Variants in TCERG1L observed in about 807,000 individuals in gnomAD.
TCERG1L encodes the protein transcription elongation regulator 1-like protein.
In TCERG1L, 37 loss-of-function variants were observed where a neutral mutation model predicts 56.3. The ratio of observed to expected loss-of-function variants is 0.66; its 90% CI spans 0.51 to 0.87. The LOEUF is 0.87. Among genes scored for constraint, TCERG1L ranks in the 40% least tolerant of loss-of-function variants. The pLI is 0.00. For synonymous variants in TCERG1L, 324 were observed against 326.3 expected, an observed-to-expected ratio of 0.99 and a Z score of 0.08; for missense variants, 799 against 774.2, an observed-to-expected ratio of 1.03 and a Z score of -0.38.
intron 4 of TCERG1L, among the ~76,000 whole-genome samples, chr10:131,198,812 T>A (rs2918139): frequency 1 from 152,330 of 152,330 alleles, 76,165 homozygotes; most frequent in Non-Finnish European, 1. Context: ...TCTCTGAGGC[T>A]TCTTTTGCAT....
intron 8 of TCERG1L, 112 bp downstream of exon 8, chr10:131,134,267 T>C (rs980569166): frequency 5.2e-6 from 5 of 961,986 alleles, no homozygotes; most frequent in East Asian, 2.6e-5. Flanking sequence ...TGTCTAGCGG[T>C]TGAATTAGCT....
chr10:131,278,749 C>T (rs1846421763), intron 3 of TCERG1L, among the ~76,000 whole-genome samples: 2 of 149,298 alleles, frequency 1.3e-5, no homozygotes, highest in African/African-American at 5.0e-5. Context: ...GGTGTCCTCG[C>T]CTGCCCAGGA....
At chr10:131,274,086 C>T (rs574466328) in intron 3 of TCERG1L, among the ~76,000 whole-genome samples, 6 of 152,282 alleles carry the variant, frequency 3.9e-5, no homozygotes, top group East Asian at 3.9e-4. Context: ...GTCTGCTCAG[C>T]GCCCAGGAGG....
chr10:131,292,024 T>G (rs1846633337), intron 3 of TCERG1L, among the ~76,000 whole-genome samples: 1 of 152,240 alleles, frequency 6.6e-6, no homozygotes, highest in African/African-American at 2.4e-5. Context: ...CTTTTAATTC[T>G]GAGTTGTTAA....
intron 9 of TCERG1L, among the ~76,000 whole-genome samples, chr10:131,114,631 C>G (rs1845438018): frequency 6.6e-6 from 1 of 152,116 alleles, no homozygotes; most frequent in Non-Finnish European, 1.5e-5. Context: ...TTAGTAAAAT[C>G]TCTCAACCAA....
intron 7 of TCERG1L, among the ~76,000 whole-genome samples, chr10:131,141,753 T>A (rs1845741097): frequency 6.6e-6 from 1 of 151,932 alleles, no homozygotes; most frequent in African/African-American, 2.4e-5. Flanking sequence ...CGGAAACTAC[T>A]CCGAAAAACG....
intron 4 of TCERG1L, among the ~76,000 whole-genome samples, chr10:131,200,857 T>TA (rs35946799): frequency 0.13 from 19,265 of 152,116 alleles, 1,446 homozygotes; most frequent in East Asian, 0.22. Context: ...GTGGGGCCTT[T>TA]AGGAGTCGCT....
intron 3 of TCERG1L, among the ~76,000 whole-genome samples, chr10:131,279,965 GAGCC>G (rs1167917473): frequency 3.3e-5 from 5 of 152,258 alleles, no homozygotes; most frequent in Non-Finnish European, 7.4e-5. Context: ...CGACCCAGCA[GAGCC>G]AGCCTACACC....
At chr10:131,108,093 G>A (rs116973713) in intron 9 of TCERG1L, among the ~76,000 whole-genome samples, 1,614 of 152,200 alleles carry the variant, frequency 0.011, 19 homozygotes, top group Non-Finnish European at 0.015. Context: ...TTTTAAGTCC[G>A]TCTATGTCGT....
chr10:131,254,102 G>A (rs556805176), intron 4 of TCERG1L, among the ~76,000 whole-genome samples: 90 of 152,028 alleles, frequency 5.9e-4, no homozygotes, highest in Non-Finnish European at 1.1e-3. Context: ...GGAGGAGAGC[G>A]TCCAGGCAGA....
chr10:131,296,645 G>T (rs1205649422), intron 3 of TCERG1L, among the ~76,000 whole-genome samples: 1 of 152,160 alleles, frequency 6.6e-6, no homozygotes, highest in African/African-American at 2.4e-5. Context: ...GCATGGGCTT[G>T]TCAATTTACA....
intron 11 of TCERG1L, chr10:131,095,230 G>C (rs1482834541): frequency 6.8e-6 from 1 of 146,714 alleles, no homozygotes; most frequent in African/African-American, 2.8e-5. Flanking sequence ...CAACCCCACC[G>C]GACGGCCAAC....
At chr10:131,309,347 A>C (rs532941906) in intron 1 of TCERG1L, 48 bp from the exon 2 acceptor site, 1 of 1,552,010 alleles carries the variant, frequency 6.4e-7, no homozygotes, top group African/African-American at 1.4e-5. Context: ...GAATCCATCC[A>C]CTCGACTTCA....
chr10:131,274,683 T>C (rs2918106), intron 3 of TCERG1L, among the ~76,000 whole-genome samples: 128,159 of 152,122 alleles, frequency 0.84, 54,905 homozygotes, highest in East Asian at 0.92. Context: ...CTCACAGACG[T>C]CAACTTTCCC....
chr10:131,260,226 G>T lies in TCERG1L; in HGVS notation c.856+33C>A. The T allele has an allele frequency of 7.4e-7, 1 of 1,343,982 alleles. No individual in the cohort carries two copies. Among genetic ancestry groups the T allele is most frequent in the Non-Finnish European group, 9.6e-7 (1 of 1,044,030 alleles). The allele number at this position is 1,343,982 out of a possible 1,614,324, so 83.3% of individuals were successfully genotyped here. On this transcript the variant is annotated intron_variant, in intron 4 of 11. Transcript: ENST00000368642. The surrounding 1 kb of genome is among the most constrained non-coding windows in gnomAD (Gnocchi z 5.8). Reference sequence around the variant, plus strand: ...AAGCCTCCGCGCGCTCGCTAAGGCAGCACCAGGCGTCGGGACGGCGCTCCG... The same window carrying T: ...AAGCCTCCGCGCGCTCGCTAAGGCATCACCAGGCGTCGGGACGGCGCTCCG...
chr10:131,140,893 G>A (rs1024225401), intron 7 of TCERG1L, among the ~76,000 whole-genome samples: 1 of 152,218 alleles, frequency 6.6e-6, no homozygotes, highest in African/African-American at 2.4e-5. Context: ...AGGCCTGGCT[G>A]TGCAGGGGCC....
intron 4 of TCERG1L, among the ~76,000 whole-genome samples, chr10:131,179,397 C>A (rs769371786): frequency 1.3e-5 from 2 of 152,212 alleles, no homozygotes; most frequent in Non-Finnish European, 2.9e-5. Context: ...CAAGAATGCC[C>A]TAAATAGAAG....
chr10:131,271,355 C>T (rs1347329588), intron 3 of TCERG1L, among the ~76,000 whole-genome samples: 1 of 152,224 alleles, frequency 6.6e-6, no homozygotes, highest in Non-Finnish European at 1.5e-5. Context: ...TTTTCTCTTC[C>T]TCTCTGGGCA....
chr10:131,158,947 C>T (rs1268793485), intron 6 of TCERG1L, among the ~76,000 whole-genome samples: 1 of 152,226 alleles, frequency 6.6e-6, no homozygotes, highest in Non-Finnish European at 1.5e-5. Context: ...GCTGGCAGTG[C>T]CCGTGGGGTC....
Sources: gnomAD v4.1 joint callset for allele counts (sites outside exome capture counted in the v4.1 genomes callset) on GRCh38, gnomAD v4.1.1 for gene constraint, Gnocchi (gnomAD v3.1) non-coding constraint, MANE v1.5 for transcripts, NCBI Gene and HGNC (gene_info 2026-07-23, HGNC 2026-07-21) for gene names.